DSCAML1: variants seen among roughly 807,000 people sequenced by gnomAD.
DSCAML1 encodes the protein cell adhesion molecule DSCAML1.
Under a neutral mutation model 200.5 loss-of-function variants are expected in DSCAML1, and 38 were observed. That is an observed-to-expected ratio of 0.19 (90% CI 0.15 to 0.25). The LOEUF is 0.25. Ranked by LOEUF, DSCAML1 falls within the 10% of genes least tolerant of loss-of-function variation. The probability of loss-of-function intolerance (pLI) is 1.00; values close to 1 mark genes in which losing one functional copy is unlikely to be tolerated. For missense variants in DSCAML1, 2,223 were observed against 2,858.8 expected (o/e 0.78, Z 5.07); for synonymous variants, 1,215 against 1,165.0 (o/e 1.04, Z -0.87).
chr11:117,430,874 G>A lies in DSCAML1; in HGVS notation c.5534C>T (p.Thr1845Ile), dbSNP rs766206925. The A allele has an allele frequency of 6.2e-7, 1 of 1,614,142 alleles. No individual in the cohort carries two copies. The highest frequency in any genetic ancestry group is 1.7e-5 in the Admixed American group (1 of 60,026). Residue 1845 changes from threonine (T) to isoleucine (I), a missense_variant, in exon 32 of 33, where the codon ACC (threonine) becomes ATC (isoleucine). Physicochemically the swap from Thr to Ile is moderately conservative, Grantham distance 89. Coordinates refer to ENST00000651296, the MANE Select transcript of DSCAML1 (RefSeq NM_020693.4). Reference protein sequence around the residue: ...FISDSSSDQMTTGTNENADSM... With the variant: ...FISDSSSDQMITGTNENADSM... Reference sequence around the variant, plus strand: ...GTCGGCGTTCTCGTTGGTGCCTGTGGTCATCTGGTCAGAGGAACTGTCAGA... The same window carrying A: ...GTCGGCGTTCTCGTTGGTGCCTGTGATCATCTGGTCAGAGGAACTGTCAGA...
Position 117,776,838 on chromosome 11 carries a change from T to A in DSCAML1, c.464A>T (p.Tyr155Phe). The change falls in exon 3 of 33, where the codon TAT becomes TTT. Residue 155 changes from tyrosine to phenylalanine, a missense_variant. By Grantham distance (22) the Tyr-to-Phe change is conservative (BLOSUM62 3). Around this residue, in one of 7 missense-constraint regions of DSCAML1, gnomAD observed 579 missense variants for 721.5 expected, o/e 0.80. Coordinates refer to ENST00000651296, the MANE Select transcript of DSCAML1 (RefSeq NM_020693.4). ...TTTCTCCCAAGATACAACGCTAACA[T>A]ATTCCTGCACTGAAGAGGGGATGAG... ...KCLIPSSVQE[Y>F]VSVVSWEKDT... The A allele has an allele frequency of 6.2e-7, 1 of 1,614,150 alleles. No individual in the cohort carries two copies. The highest frequency in any genetic ancestry group is 8.5e-7 in the Non-Finnish European group (1 of 1,180,030).
chr11:117,463,702 G>A lies in DSCAML1; in HGVS notation c.3265+1240C>T, dbSNP rs1051328488. On this transcript the variant is annotated intron_variant, in intron 17 of 32. Coordinates refer to ENST00000651296, the MANE Select transcript of DSCAML1 (RefSeq NM_020693.4). This position sits in a 1 kb window ranked among gnomAD's most constrained non-coding sequence, Gnocchi z 4.0. ...TGGGCTGAGGGCTTGGTTGTGGTGC[G>A]GCTCTCCTCCCTCCCCCTGGACTTC... is the stretch of plus-strand genomic sequence containing the variant. Among the ~76,000 whole-genome samples, 7 of 152,154 alleles carry A rather than the reference G, an allele frequency of 4.6e-5. No homozygotes were observed. The South Asian group carries it at 6.2e-4, about 14-fold the overall frequency.
chr11:117,690,039 G>C (rs2053469820), intron 3 of DSCAML1, among the ~76,000 whole-genome samples: 1 of 152,142 alleles, frequency 6.6e-6, no homozygotes, highest in African/African-American at 2.4e-5. Flanking sequence ...CATGCTCCCA[G>C]CACCTAGTAG....
intron 1 of DSCAML1, among the ~76,000 whole-genome samples, chr11:117,809,385 G>A (rs914882833): frequency 3.9e-5 from 6 of 152,232 alleles, no homozygotes; most frequent in Admixed American, 2.6e-4. Flanking sequence ...TGGCTGGAGA[G>A]GACAACCCGC....
At chr11:117,476,949 A>C (rs1465195341) in intron 14 of DSCAML1, among the ~76,000 whole-genome samples, 1 of 152,096 alleles carries the variant, frequency 6.6e-6, no homozygotes, top group East Asian at 1.9e-4. Flanking sequence ...ACAGGACAGG[A>C]ATCTGTGGGA....
At chr11:117,515,112 T>A (rs192173956) in intron 8 of DSCAML1, among the ~76,000 whole-genome samples, 30 of 152,328 alleles carry the variant, frequency 2.0e-4, no homozygotes, top group Middle Eastern at 6.8e-3. Context: ...AGACCTCCCT[T>A]CCTCCCAGGC....
intron 3 of DSCAML1, among the ~76,000 whole-genome samples, chr11:117,663,755 TG>T (rs1322987277): frequency 2.6e-5 from 4 of 152,202 alleles, no homozygotes; most frequent in African/African-American, 9.7e-5. Flanking sequence ...GGAGGCATTC[TG>T]TATCGGACTG....
At chr11:117,466,360 A>G (rs372033861) in intron 16 of DSCAML1, among the ~76,000 whole-genome samples, 1 of 152,232 alleles carries the variant, frequency 6.6e-6, no homozygotes, top group Non-Finnish European at 1.5e-5. Context: ...GACAAAAGCT[A>G]TTTGTCCGAT....
intron 3 of DSCAML1, among the ~76,000 whole-genome samples, chr11:117,588,719 A>G (rs1021724719): frequency 6.6e-6 from 1 of 152,178 alleles, no homozygotes; most frequent in East Asian, 1.9e-4. Context: ...AGAGGGATTC[A>G]GTGGGGCCAG....
At chr11:117,541,870 T>G (rs59145066) in intron 3 of DSCAML1, among the ~76,000 whole-genome samples, 2,304 of 125,938 alleles carry the variant, frequency 0.018, 51 homozygotes, top group African/African-American at 0.07. Context: ...CGACTAAAGA[T>G]GTACCTCTTC....
intron 3 of DSCAML1, among the ~76,000 whole-genome samples, chr11:117,648,499 G>A (rs2052566727): frequency 6.6e-6 from 1 of 152,224 alleles, no homozygotes; most frequent in Non-Finnish European, 1.5e-5. Flanking sequence ...AAGGAGAAAG[G>A]ATTCTAGAAC....
intron 3 of DSCAML1, among the ~76,000 whole-genome samples, chr11:117,771,656 C>T (rs566151381): frequency 5.9e-5 from 9 of 152,280 alleles, no homozygotes; most frequent in African/African-American, 9.6e-5. Context: ...ACCGGAAGAC[C>T]GGCTCACATC....
At chr11:117,754,566 T>C (rs1348750273) in intron 3 of DSCAML1, among the ~76,000 whole-genome samples, 4 of 152,064 alleles carry the variant, frequency 2.6e-5, no homozygotes, top group Non-Finnish European at 5.9e-5. Context: ...CCACAGGCCA[T>C]GAGGGATCCT....
chr11:117,729,182 T>A (rs2054179614), intron 3 of DSCAML1, among the ~76,000 whole-genome samples: 1 of 152,214 alleles, frequency 6.6e-6, no homozygotes, highest in East Asian at 1.9e-4. Context: ...GGACAATGTT[T>A]TCAACAAGTG....
intron 3 of DSCAML1, among the ~76,000 whole-genome samples, chr11:117,656,872 A>G (rs2052746790): frequency 6.6e-6 from 1 of 152,198 alleles, no homozygotes; most frequent in African/African-American, 2.4e-5. Flanking sequence ...CCCCTGAGGA[A>G]CTGGAAGCTT....
At chr11:117,471,792 T>A in intron 15 of DSCAML1, 77 bp downstream of exon 15, 1 of 1,505,006 alleles carries the variant, frequency 6.6e-7, no homozygotes, top group South Asian at 1.3e-5. Context: ...TCATTGCCAG[T>A]GAACAGGATC....
intron 20 of DSCAML1, 96 bp from the exon 21 acceptor site, chr11:117,444,135 C>A: frequency 7.1e-7 from 1 of 1,402,488 alleles, no homozygotes; most frequent in East Asian, 2.4e-5. Flanking sequence ...GAGAGGATGG[C>A]GGGGTCGGAT....
rs545988347 is a variant in DSCAML1, at chr11:117,724,269, A to G, written c.511+52522T>C. 2.6e-5 allele frequency among the ~76,000 whole-genome samples: 4 copies of G among 152,330 alleles called. No homozygotes were observed. The South Asian group carries it at 8.3e-4, about 32-fold the overall frequency. Reference sequence around the variant, plus strand: ...CTTCGCTGAGGCCATAGGAGAAGTCACTGGGTCCCCTGGTCTGATTGGGTC... The same window carrying G: ...CTTCGCTGAGGCCATAGGAGAAGTCGCTGGGTCCCCTGGTCTGATTGGGTC... On this transcript the variant is annotated intron_variant, in intron 3 of 32. Transcript: ENST00000651296.
chr11:117,542,297 AAAAACAAAAC>A lies in DSCAML1; in HGVS notation c.512-9785_512-9776del, dbSNP rs71037484. ...GAGACAGAGTGAGACTCCCTATCAA[AAAAACAAAAC>A]AAAACAAAACAAAACAAAACACAAA... On this transcript the variant is annotated intron_variant, in intron 3 of 32. Transcript: ENST00000651296. Among the ~76,000 whole-genome samples the A allele has an allele frequency of 8.0e-4, 112 of 140,668 alleles. 2 individuals carry two copies. In the South Asian group the frequency reaches 0.015, roughly 19 times the overall value. 92.3% of individuals were successfully genotyped at this position (140,668 alleles called of 152,430 possible).
Sources: allele counts gnomAD v4.1 joint callset (sites outside exome capture counted in the v4.1 genomes callset), GRCh38; gene constraint gnomAD v4.1.1; regional missense constraint gnomAD v4.1.1; non-coding constraint Gnocchi (gnomAD v3.1); transcripts MANE v1.5; gene names NCBI Gene and HGNC (gene_info 2026-07-23, HGNC 2026-07-21).